The following TTC28 variants were observed in gnomAD, a reference collection of about 807,000 sequenced individuals.
TTC28 encodes the protein tetratricopeptide repeat domain 28.
In TTC28, 61 loss-of-function variants were observed where a neutral mutation model predicts 198.0. The observed-to-expected ratio is 0.31, with a 90% CI of 0.25 to 0.38. TTC28 has a LOEUF of 0.38. Ranked by LOEUF, TTC28 falls within the 10% of genes least tolerant of loss-of-function variation. TTC28 has a pLI of 1.00. For synonymous variants in TTC28, 1,171 were observed against 1,297.8 expected (o/e 0.90, Z 2.10); for missense variants, 2,678 against 3,164.0 (o/e 0.85, Z 3.69).
At chr22:28,243,625 A>G (rs1208656717) in intron 5 of TTC28, among the ~76,000 whole-genome samples, 1 of 152,096 alleles carries the variant, frequency 6.6e-6, no homozygotes, top group Non-Finnish European at 1.5e-5. Context: ...CGAAATTCTT[A>G]AGAGTTTGAG....
At chr22:28,335,519 A>G (rs948099504) in intron 2 of TTC28, among the ~76,000 whole-genome samples, 7 of 150,216 alleles carry the variant, frequency 4.7e-5, no homozygotes, top group Admixed American at 6.6e-5. Context: ...TTTGTTGGGC[A>G]GTGGTTTGTA....
chr22:28,005,785 C>T lies in TTC28; in HGVS notation c.4219-4232G>A, dbSNP rs765364977. ...CTCCTGCCCACACTCAGGGGGCTAG[C>T]GCTTGCCAGCAACTCCAGACTGGCT... On this transcript the variant is annotated intron_variant, in intron 14 of 22. Coordinates refer to ENST00000397906, the MANE Select transcript of TTC28 (RefSeq NM_001145418.2). The surrounding 1 kb of genome is among the most constrained non-coding windows in gnomAD (Gnocchi z 4.9). Among the ~76,000 whole-genome samples the T allele has an allele frequency of 3.3e-5, 5 of 152,196 alleles. No individual in the cohort carries two copies. Among genetic ancestry groups the T allele is most frequent in the Admixed American group, 6.5e-5 (1 of 15,284 alleles).
intron 2 of TTC28, among the ~76,000 whole-genome samples, chr22:28,434,542 G>GAAAAAC (rs2047488884): frequency 1.3e-5 from 2 of 151,948 alleles, no homozygotes. Context: ...CCCTCTGTTG[G>GAAAAAC]AAAAACAAAA....
chr22:28,097,854 C>T (rs775144694), intron 10 of TTC28, among the ~76,000 whole-genome samples: 6 of 152,266 alleles, frequency 3.9e-5, no homozygotes, highest in Middle Eastern at 3.4e-3. Context: ...TCTGTGCACA[C>T]GGGAAAATCG....
chr22:28,591,038 CACATATATATATATATATATATATATAT>C (rs1164469512), intron 2 of TTC28, among the ~76,000 whole-genome samples: 1 of 24,524 alleles, frequency 4.1e-5, no homozygotes, highest in Non-Finnish European at 6.5e-5. Context: ...CACACACACA[CACATATATATATATATATATATATATAT>C]ATATATATAT....
intron 2 of TTC28, among the ~76,000 whole-genome samples, chr22:28,414,869 A>G (rs1453397261): frequency 6.6e-6 from 1 of 152,230 alleles, no homozygotes; most frequent in Non-Finnish European, 1.5e-5. Flanking sequence ...AAATAAATGG[A>G]GTAATAAGCA....
chr22:28,677,764 C>G (rs1316647701), intron 1 of TTC28, among the ~76,000 whole-genome samples: 2 of 151,976 alleles, frequency 1.3e-5, no homozygotes, highest in Non-Finnish European at 2.9e-5. Context: ...ACAGTGAAAC[C>G]TCCTCTCTAC....
intron 2 of TTC28, among the ~76,000 whole-genome samples, chr22:28,612,292 T>G (rs2050832018): frequency 6.6e-6 from 1 of 152,146 alleles, no homozygotes; most frequent in Non-Finnish European, 1.5e-5. Context: ...TAAATATATA[T>G]GTACCCAATA....
rs1416368463 is a variant in TTC28, at chr22:28,205,481, T to C, written c.934-41882A>G. 1.3e-5 allele frequency among the ~76,000 whole-genome samples: 2 copies of C among 152,068 alleles called. 1 individual carries two copies. The highest frequency in any genetic ancestry group is 2.9e-5 in the Non-Finnish European group (2 of 68,012). On this transcript the variant is annotated intron_variant, in intron 5 of 22. Transcript: ENST00000397906. The stretch of plus-strand genomic sequence containing the variant: ...AACTGCCCATACTCCAGGGTCAAGT[T>C]GATATGAAATTTTAATAAAATGACA...
chr22:28,457,321 CTT>C (rs2047877298), intron 2 of TTC28, among the ~76,000 whole-genome samples: 1 of 152,176 alleles, frequency 6.6e-6, no homozygotes, highest in African/African-American at 2.4e-5. Flanking sequence ...GTGCATAACC[CTT>C]TTCTCAATAT....
intron 2 of TTC28, among the ~76,000 whole-genome samples, chr22:28,573,435 A>C (rs1347684553): frequency 6.6e-6 from 1 of 152,034 alleles, no homozygotes; most frequent in Non-Finnish European, 1.5e-5. Flanking sequence ...GCCTGGCGAC[A>C]GAGCGAGATT....
At chr22:28,475,668 T>C (rs1446053909) in intron 2 of TTC28, among the ~76,000 whole-genome samples, 1 of 152,200 alleles carries the variant, frequency 6.6e-6, no homozygotes, top group African/African-American at 2.4e-5. Context: ...ATAAATCTTG[T>C]AATTAAGGCA....
At chr22:28,501,361 A>G (rs1045595569) in intron 2 of TTC28, among the ~76,000 whole-genome samples, 1 of 152,158 alleles carries the variant, frequency 6.6e-6, no homozygotes, top group Non-Finnish European at 1.5e-5. Context: ...AAGGAAAGCA[A>G]ATGAGTGTAA....
chr22:28,318,070 TTAA>T (rs2045380198), intron 2 of TTC28, among the ~76,000 whole-genome samples: 1 of 143,668 alleles, frequency 7.0e-6, no homozygotes. Context: ...ACCCAGCTAA[TTAA>T]TTTTTTTTTT....
At chr22:28,452,350 A>G (rs2047793220) in intron 2 of TTC28, among the ~76,000 whole-genome samples, 1 of 127,314 alleles carries the variant, frequency 7.9e-6, no homozygotes, top group Non-Finnish European at 1.6e-5. Flanking sequence ...AGATTGTGCC[A>G]CTGCACTCCA....
chr22:28,170,064 C>G (rs187627547), intron 5 of TTC28, among the ~76,000 whole-genome samples: 150 of 152,168 alleles, frequency 9.9e-4, no homozygotes, highest in African/African-American at 3.6e-3. Context: ...ACTTTCTATA[C>G]CTCATCTCCT....
At chr22:28,170,656 T>C (rs1922580104) in intron 5 of TTC28, among the ~76,000 whole-genome samples, 1 of 152,208 alleles carries the variant, frequency 6.6e-6, no homozygotes, top group East Asian at 1.9e-4. Context: ...GAGAGATGTT[T>C]ACCATGATGA....
intron 2 of TTC28, among the ~76,000 whole-genome samples, chr22:28,610,118 C>T (rs2050795993): frequency 6.6e-6 from 1 of 152,162 alleles, no homozygotes; most frequent in African/African-American, 2.4e-5. Flanking sequence ...CCCCCATCTT[C>T]CTGGGACAAA....
intron 5 of TTC28, among the ~76,000 whole-genome samples, chr22:28,205,802 T>G (rs1415297980): frequency 3.3e-5 from 5 of 152,050 alleles, no homozygotes; most frequent in African/African-American, 1.2e-4. Flanking sequence ...GCCACATTTA[T>G]TTCACCATTA....
Sources: gnomAD v4.1 joint callset for allele counts (sites outside exome capture counted in the v4.1 genomes callset) on GRCh38, gnomAD v4.1.1 for gene constraint, Gnocchi (gnomAD v3.1) non-coding constraint, MANE v1.5 for transcripts, NCBI Gene and HGNC (gene_info 2026-07-23, HGNC 2026-07-21) for gene names.